Variants in TMEM164 observed in about 807,000 individuals in gnomAD.
TMEM164 encodes transmembrane protein 164.
A neutral mutation model predicts 18.8 loss-of-function variants in TMEM164; 4 were observed. The ratio of observed to expected loss-of-function variants is 0.21; its 90% CI spans 0.10 to 0.49. The LOEUF (loss-of-function observed/expected upper bound fraction) is 0.49, where lower values mean the gene tolerates loss of function less well. TMEM164 is among the 20% of genes least tolerant of loss of function. The pLI is 0.98. For missense variants in TMEM164, 108 were observed against 239.9 expected (o/e 0.45, Z 3.63); for synonymous variants, 86 against 101.7 (o/e 0.85, Z 0.93).
At chrX:110,114,383 G>A in intron 4 of TMEM164, among the ~76,000 whole-genome samples, 1 of 111,842 alleles carries the variant, frequency 8.9e-6, no homozygotes, top group African/African-American at 3.3e-5. Flanking sequence ...TGAGTTCCTT[G>A]TTATAGCCGC....
chrX:110,141,905 T>G (rs1456115800), intron 4 of TMEM164, among the ~76,000 whole-genome samples: 1 of 111,255 alleles, frequency 9.0e-6, no homozygotes, highest in African/African-American at 3.3e-5. Flanking sequence ...TTAACCTATT[T>G]CCTCTTTCCC....
At chrX:110,088,758 C>T (rs904317409) in intron 3 of TMEM164, among the ~76,000 whole-genome samples, 1 of 112,200 alleles carries the variant, frequency 8.9e-6, no homozygotes, top group Non-Finnish European at 1.9e-5. Flanking sequence ...TTTATCTTCT[C>T]CAAGTCTCCC....
chrX:110,095,548 C>G (rs1383574721), intron 3 of TMEM164, among the ~76,000 whole-genome samples: 1 of 111,873 alleles, frequency 8.9e-6, no homozygotes, highest in Non-Finnish European at 1.9e-5. Context: ...TTAAGGTCTT[C>G]TCTACACTGT....
intron 2 of TMEM164, among the ~76,000 whole-genome samples, chrX:110,021,104 T>C (rs1325872792): frequency 9.0e-6 from 1 of 110,788 alleles, no homozygotes; most frequent in Non-Finnish European, 1.9e-5. Context: ...AGAGGGGAAT[T>C]CTCATTTTTT....
intron 2 of TMEM164, among the ~76,000 whole-genome samples, chrX:110,044,836 C>T (rs1935253508): frequency 9.1e-6 from 1 of 109,290 alleles, no homozygotes; most frequent in Non-Finnish European, 1.9e-5. Context: ...TGCCTAATGA[C>T]TCCATCAGGT....
intron 4 of TMEM164, among the ~76,000 whole-genome samples, chrX:110,122,574 T>TAATAA (rs1272201112): frequency 9.1e-6 from 1 of 110,002 alleles, no homozygotes; most frequent in Non-Finnish European, 1.9e-5. Flanking sequence ...AGTATAATAA[T>TAATAA]AATAAAATAA....
intron 3 of TMEM164, among the ~76,000 whole-genome samples, chrX:110,086,991 A>C (rs186135303): frequency 9.8e-5 from 11 of 111,745 alleles, no homozygotes; most frequent in African/African-American, 3.6e-4. Flanking sequence ...CTTTGACATA[A>C]GGATCAGAGT....
chrX:110,144,999 C>A, intron 5 of TMEM164, 123 bp downstream of exon 5: 1 of 502,210 alleles, frequency 2.0e-6, no homozygotes, highest in Non-Finnish European at 3.3e-6. Flanking sequence ...TGAGTTTCTT[C>A]AACATAATTT....
intron 3 of TMEM164, among the ~76,000 whole-genome samples, chrX:110,092,093 G>A (rs1418252480): frequency 8.9e-6 from 1 of 112,087 alleles, no homozygotes; most frequent in East Asian, 2.8e-4. Context: ...CCAGTACCAT[G>A]CTGTTTTGGT....
chrX:110,077,924 C>T (rs1176507061), intron 3 of TMEM164, among the ~76,000 whole-genome samples: 2 of 111,392 alleles, frequency 1.8e-5, no homozygotes, highest in Non-Finnish European at 3.8e-5. Flanking sequence ...AGTCTGATGG[C>T]TATGTGTCTT....
intron 4 of TMEM164, among the ~76,000 whole-genome samples, chrX:110,123,059 G>T (rs1434123199): frequency 9.0e-6 from 1 of 111,697 alleles, no homozygotes; most frequent in Non-Finnish European, 1.9e-5. Flanking sequence ...TTACATTTAG[G>T]TCTATGATCC....
chrX:110,036,290 T>G (rs1934795959), intron 2 of TMEM164, among the ~76,000 whole-genome samples: 1 of 111,974 alleles, frequency 8.9e-6, no homozygotes, highest in African/African-American at 3.3e-5. Flanking sequence ...GGCTCAATCC[T>G]ATCTGTATTC....
chrX:110,134,287 C>T (rs1474170452), intron 4 of TMEM164, among the ~76,000 whole-genome samples: 3 of 111,078 alleles, frequency 2.7e-5, no homozygotes, highest in Non-Finnish European at 3.8e-5. Flanking sequence ...CAGTGGCTCA[C>T]GCCTGTAATC....
intron 2 of TMEM164, among the ~76,000 whole-genome samples, chrX:110,013,767 GGTT>G (rs1440022368): frequency 1.8e-5 from 2 of 111,938 alleles, no homozygotes; most frequent in Non-Finnish European, 3.8e-5. Context: ...ATAATAATAG[GGTT>G]GTTGTGAGGG....
chrX:110,097,699 A>G (rs1180747777), intron 3 of TMEM164, among the ~76,000 whole-genome samples: 1 of 112,193 alleles, frequency 8.9e-6, no homozygotes, highest in Non-Finnish European at 1.9e-5. Context: ...AACTGAATCA[A>G]TAATATTCAA....
downstream of TMEM164, among the ~76,000 whole-genome samples, chrX:110,180,682 G>A (rs2067320623): frequency 1.8e-5 from 2 of 111,724 alleles, no homozygotes; most frequent in Non-Finnish European, 3.8e-5. Flanking sequence ...GGTAATCTCT[G>A]CATTTCACAC....
intron 3 of TMEM164, among the ~76,000 whole-genome samples, chrX:110,097,887 T>C (rs1482860432): frequency 8.9e-6 from 1 of 112,491 alleles, no homozygotes; most frequent in Non-Finnish European, 1.9e-5. Flanking sequence ...GTTCAGTGTT[T>C]TGCTTCTCAT....
At chrX:110,146,370 C>G (rs747699013) in intron 5 of TMEM164, among the ~76,000 whole-genome samples, 23 of 112,206 alleles carry the variant, frequency 2.0e-4, no homozygotes, top group South Asian at 7.4e-4. Context: ...AAGTAGCCAT[C>G]TTTCCTCCCT....
chrX:110,047,852 GA>G (rs890770591), intron 2 of TMEM164, among the ~76,000 whole-genome samples: 3 of 111,985 alleles, frequency 2.7e-5, no homozygotes, highest in Non-Finnish European at 3.8e-5. Flanking sequence ...AAGTAGAGTA[GA>G]AGTCCAACCC....
Sources: allele counts gnomAD v4.1 joint callset (sites outside exome capture counted in the v4.1 genomes callset), GRCh38; gene constraint gnomAD v4.1.1; transcripts MANE v1.5; gene names NCBI Gene and HGNC (gene_info 2026-07-23, HGNC 2026-07-21).